Variants in RBMS3 observed in about 807,000 individuals in gnomAD.
The protein encoded by RBMS3 is RNA-binding motif, single-stranded-interacting protein 3.
Under a neutral mutation model 66.8 loss-of-function variants are expected in RBMS3, and 27 were observed. That is an observed-to-expected ratio of 0.40 (90% CI 0.30 to 0.56). The LOEUF (loss-of-function observed/expected upper bound fraction) is 0.56. Among genes scored for constraint, RBMS3 ranks in the 20% least tolerant of loss-of-function variants. The pLI, the probability that RBMS3 is intolerant of heterozygous loss-of-function variation, is 0.40. For synonymous variants in RBMS3, 188 were observed against 183.0 expected (o/e 1.03, Z -0.22); for missense variants, 513 against 549.5 (o/e 0.93, Z 0.66).
At chr3:29,604,828 G>T (rs765252549) in intron 4 of RBMS3, among the ~76,000 whole-genome samples, 6 of 151,724 alleles carry the variant, frequency 4.0e-5, no homozygotes, top group Non-Finnish European at 8.8e-5. Context: ...TTTCCTCCAG[G>T]GATAGACTAC....
chr3:29,549,151 C>T (rs1417641642), intron 3 of RBMS3, among the ~76,000 whole-genome samples: 3 of 136,682 alleles, frequency 2.2e-5, no homozygotes, highest in East Asian at 2.3e-4. Context: ...AATTTTCTTG[C>T]TTTCCTTTTA....
At chr3:29,483,626 G>A (rs1163265651) in intron 2 of RBMS3, among the ~76,000 whole-genome samples, 1 of 152,198 alleles carries the variant, frequency 6.6e-6, no homozygotes, top group Admixed American at 6.5e-5. Context: ...TCGAAATGCT[G>A]TTTGTAGCCC....
At chr3:29,444,643 G>A (rs1262556902) in intron 2 of RBMS3, among the ~76,000 whole-genome samples, 2 of 151,900 alleles carry the variant, frequency 1.3e-5, no homozygotes, top group African/African-American at 2.4e-5. Context: ...AATATAGGGA[G>A]AGAGAAGTTA....
At chr3:29,672,175 C>G (rs1182075306) in intron 4 of RBMS3, among the ~76,000 whole-genome samples, 1 of 152,082 alleles carries the variant, frequency 6.6e-6, no homozygotes, top group Non-Finnish European at 1.5e-5. Context: ...AATTTCATAT[C>G]CAGCCAAACT....
At chr3:29,905,831 G>C (rs2060362853) in intron 10 of RBMS3, among the ~76,000 whole-genome samples, 1 of 152,052 alleles carries the variant, frequency 6.6e-6, no homozygotes, top group African/African-American at 2.4e-5. Context: ...AAGCCGTTGT[G>C]GGCTGCATGC....
chr3:29,461,427 G>A (rs189652256), intron 2 of RBMS3, among the ~76,000 whole-genome samples: 1 of 152,266 alleles, frequency 6.6e-6, no homozygotes, highest in Admixed American at 6.5e-5. Context: ...GGACTCTTCT[G>A]TTGTTCAGAC....
chr3:29,566,634 C>CAAA (rs11445860), intron 3 of RBMS3, among the ~76,000 whole-genome samples: 39 of 119,916 alleles, frequency 3.3e-4, no homozygotes, highest in South Asian at 5.3e-4. Context: ...AAGCAAAATG[C>CAAA]AAAAAAAAAA....
intron 1 of RBMS3, among the ~76,000 whole-genome samples, chr3:29,344,546 T>A (rs1331580499): frequency 6.6e-6 from 1 of 152,164 alleles, no homozygotes; most frequent in African/African-American, 2.4e-5. Flanking sequence ...CATAAGACTC[T>A]TGTGTCTATA....
chr3:29,338,601 T>C (rs1343937657), intron 1 of RBMS3, among the ~76,000 whole-genome samples: 1 of 152,054 alleles, frequency 6.6e-6, no homozygotes, highest in Non-Finnish European at 1.5e-5. Context: ...TCAGATAATT[T>C]TGATAAATGC....
intron 2 of RBMS3, among the ~76,000 whole-genome samples, chr3:29,442,413 A>G (rs2125741057): frequency 6.6e-6 from 1 of 152,296 alleles, no homozygotes; most frequent in Middle Eastern, 3.4e-3. Context: ...AATATACTTA[A>G]ATTCCTGATA....
At chr3:29,737,216 C>T (rs2149345250) in intron 4 of RBMS3, among the ~76,000 whole-genome samples, 1 of 152,288 alleles carries the variant, frequency 6.6e-6, no homozygotes, top group South Asian at 2.1e-4. Flanking sequence ...ACCTCGTGAT[C>T]CACCCGCCTC....
intron 3 of RBMS3, among the ~76,000 whole-genome samples, chr3:29,582,855 G>A (rs1004243780): frequency 3.3e-5 from 5 of 152,042 alleles, no homozygotes; most frequent in African/African-American, 1.2e-4. Context: ...ACTCAGTAAT[G>A]CAATGTTTAT....
intron 4 of RBMS3, among the ~76,000 whole-genome samples, chr3:29,631,869 T>A (rs146536529): frequency 6.6e-6 from 1 of 151,830 alleles, no homozygotes; most frequent in African/African-American, 2.4e-5. Flanking sequence ...TCTGGGTGGA[T>A]GGTAAGCAAG....
intron 10 of RBMS3, among the ~76,000 whole-genome samples, chr3:29,908,524 C>A (rs564015432): frequency 1.3e-5 from 2 of 152,104 alleles, no homozygotes; most frequent in Non-Finnish European, 2.9e-5. Flanking sequence ...TAGGTATGAG[C>A]AAGTTGTAAA....
chr3:29,503,852 TCCATGGAAA>T (rs2044075162), intron 3 of RBMS3, among the ~76,000 whole-genome samples: 1 of 152,088 alleles, frequency 6.6e-6, no homozygotes, highest in African/African-American at 2.4e-5. Context: ...TCCCTGTTCC[TCCATGGAAA>T]CCACAGTTAG....
chr3:29,462,197 C>A (rs2042396254), intron 2 of RBMS3, among the ~76,000 whole-genome samples: 1 of 152,116 alleles, frequency 6.6e-6, no homozygotes. Flanking sequence ...TGTTCGATTC[C>A]TGAATTACAG....
Position 29,737,926 on chromosome 3 carries a change from T to G in RBMS3, c.400-1794T>G, listed in dbSNP as rs1370472753. On this transcript the variant is annotated intron_variant, in intron 4 of 14. Coordinates refer to ENST00000383767, the MANE Select transcript of RBMS3 (RefSeq NM_001003793.3). ...GGAGATTAACTTCACTCATTCAGTTTCTATATGTAAACTATTCCTAAATAT... is the reference window on the plus strand; with the variant it reads ...GGAGATTAACTTCACTCATTCAGTTGCTATATGTAAACTATTCCTAAATAT... Among the ~76,000 whole-genome samples, 3 of 151,942 alleles carry G rather than the reference T, an allele frequency of 2.0e-5. No homozygotes were observed. The East Asian group carries it at 5.8e-4, about 29-fold the overall frequency.
chr3:29,739,903 C>T (rs937210168), intron 5 of RBMS3, 26 bp downstream of exon 5: 13 of 1,484,692 alleles, frequency 8.8e-6, no homozygotes, highest in South Asian at 2.9e-5. Context: ...TGTATGTAAT[C>T]GTTCTTTCCT....
At chr3:29,833,072 G>A (rs2058416267) in intron 6 of RBMS3, among the ~76,000 whole-genome samples, 1 of 152,132 alleles carries the variant, frequency 6.6e-6, no homozygotes, top group Admixed American at 6.5e-5. Context: ...ACAGTCTTAA[G>A]AATTCCTCCC....
Sources: allele counts gnomAD v4.1 joint callset (sites outside exome capture counted in the v4.1 genomes callset), GRCh38; gene constraint gnomAD v4.1.1; transcripts MANE v1.5; gene names NCBI Gene and HGNC (gene_info 2026-07-23, HGNC 2026-07-21).